Variants in ACMSD observed in about 807,000 individuals in gnomAD.
The protein encoded by ACMSD is aminocarboxymuconate semialdehyde decarboxylase, also known as 2-amino-3-carboxymuconate-6-semialdehyde decarboxylase.
Under a neutral mutation model 45.9 loss-of-function variants are expected in ACMSD, and 37 were observed. The observed-to-expected ratio is 0.81, with a 90% CI of 0.62 to 1.06. ACMSD has a LOEUF of 1.06. ACMSD is among the 50% of genes least tolerant of loss of function. ACMSD has a pLI of 0.00. For missense variants in ACMSD, 434 were observed against 420.9 expected, an observed-to-expected ratio of 1.03 and a Z score of -0.27; for synonymous variants, 138 against 148.8, an observed-to-expected ratio of 0.93 and a Z score of 0.53.
intron 3 of ACMSD, chr2:134,859,585 A>G (rs1045131051): frequency 1.5e-5 from 6 of 392,216 alleles, no homozygotes; most frequent in Admixed American, 8.3e-5. Flanking sequence ...ATAGAATGCT[A>G]TATCATGAAA....
At chr2:134,852,536 C>T (rs79193944) in intron 2 of ACMSD, among the ~76,000 whole-genome samples, 2 of 152,262 alleles carry the variant, frequency 1.3e-5, no homozygotes, top group East Asian at 3.9e-4. Context: ...AGTCTCCAGG[C>T]AATAAGCAAA....
intron 7 of ACMSD, 25 bp from the exon 8 acceptor site, chr2:134,872,444 C>T: frequency 6.2e-7 from 1 of 1,613,924 alleles, no homozygotes; most frequent in Non-Finnish European, 8.5e-7. Flanking sequence ...AACACTAGCC[C>T]CTCAGTAATG....
intron 8 of ACMSD, among the ~76,000 whole-genome samples, chr2:134,893,218 T>C (rs1354948900): frequency 1.3e-5 from 2 of 151,708 alleles, no homozygotes; most frequent in East Asian, 3.9e-4. Flanking sequence ...CATTTTTTTT[T>C]TTTTTTTTTG....
At chr2:134,895,566 G>A (rs1690095801) in intron 8 of ACMSD, among the ~76,000 whole-genome samples, 1 of 150,836 alleles carries the variant, frequency 6.6e-6, no homozygotes, top group South Asian at 2.1e-4. Flanking sequence ...AAATTCATAT[G>A]AAAACGCAAG....
At chr2:134,888,125 T>G (rs999941576) in intron 8 of ACMSD, among the ~76,000 whole-genome samples, 1 of 152,142 alleles carries the variant, frequency 6.6e-6, no homozygotes, top group African/African-American at 2.4e-5. Flanking sequence ...AGCATATATA[T>G]GACAAAGGAC....
intron 1 of ACMSD, among the ~76,000 whole-genome samples, chr2:134,842,715 T>C (rs940709350): frequency 2.2e-4 from 34 of 152,324 alleles, no homozygotes; most frequent in African/African-American, 7.0e-4. Context: ...TTATATGCAC[T>C]ATCTCAGCTA....
intron 8 of ACMSD, among the ~76,000 whole-genome samples, chr2:134,883,979 T>C (rs1186340495): frequency 1.3e-5 from 2 of 152,196 alleles, no homozygotes; most frequent in African/African-American, 4.8e-5. Context: ...AAAATTTCAT[T>C]TCCAATTTTG....
chr2:134,898,655 C>T (rs1171983368), intron 9 of ACMSD, among the ~76,000 whole-genome samples: 1 of 151,908 alleles, frequency 6.6e-6, no homozygotes, highest in Non-Finnish European at 1.5e-5. Flanking sequence ...AATTCATAAA[C>T]CCAAGAAAGA....
At chr2:134,841,143 C>G (rs1467885378) in intron 1 of ACMSD, among the ~76,000 whole-genome samples, 1 of 152,184 alleles carries the variant, frequency 6.6e-6, no homozygotes, top group Non-Finnish European at 1.5e-5. Context: ...TTCGTACTTC[C>G]AGGGAGAGAC....
At chr2:134,901,714 T>A (rs1690510857) in intron 9 of ACMSD, 84 bp from the exon 10 acceptor site, 4 of 968,852 alleles carry the variant, frequency 4.1e-6, no homozygotes, top group Admixed American at 3.0e-5. Flanking sequence ...GGGGAGCTGA[T>A]TTTTTTAAAC....
chr2:134,874,031 C>G (rs1688604663), intron 8 of ACMSD, among the ~76,000 whole-genome samples: 1 of 152,142 alleles, frequency 6.6e-6, no homozygotes, highest in Non-Finnish European at 1.5e-5. Flanking sequence ...TTGCCAAATC[C>G]AAAGCCCATT....
intron 3 of ACMSD, among the ~76,000 whole-genome samples, chr2:134,860,131 C>T (rs1382646090): frequency 2.0e-5 from 3 of 152,144 alleles, no homozygotes; most frequent in East Asian, 3.9e-4. Flanking sequence ...GGCATGCTGG[C>T]GCGTGCCTGT....
intron 9 of ACMSD, among the ~76,000 whole-genome samples, chr2:134,900,480 G>A (rs1451836216): frequency 1.3e-5 from 2 of 152,152 alleles, no homozygotes; most frequent in South Asian, 2.1e-4. Context: ...TAGTAATGCT[G>A]GCAATTCAGA....
chr2:134,897,151 A>T (rs1355935941), intron 8 of ACMSD, among the ~76,000 whole-genome samples: 1 of 148,716 alleles, frequency 6.7e-6, no homozygotes, highest in African/African-American at 2.5e-5. Context: ...ATTATATCTC[A>T]AAAAAAAAAG....
intron 4 of ACMSD, 71 bp from the exon 5 acceptor site, chr2:134,863,324 A>C: frequency 2.2e-6 from 3 of 1,389,900 alleles, no homozygotes; most frequent in Non-Finnish European, 3.1e-6. Context: ...ATGAGGAGGC[A>C]CTGTTCAGAG....
Position 134,885,277 on chromosome 2 carries a change from A to AT in ACMSD, c.849+12638dup, listed in dbSNP as rs1310151348. On this transcript the variant is annotated intron_variant, in intron 8 of 9. Coordinates refer to ENST00000356140, the MANE Select transcript of ACMSD (RefSeq NM_138326.3). ...ATATAATATATATATAAATATATAT[A>AT]TTATATATTATATTTATATATATAT... Among the ~76,000 whole-genome samples the AT allele has an allele frequency of 9.4e-4, 57 of 60,732 alleles. No homozygotes were observed. The South Asian group carries it at 0.023, about 25-fold the overall frequency. The allele number at this position is 60,732 out of a possible 152,430, so 39.8% of individuals were successfully genotyped here. A position where few individuals can be genotyped will look rare whatever the true frequency, so the allele number is the denominator to read the frequency against.
rs780095079 is a variant in ACMSD at position 134,901,851 on chromosome 2, A to G, written c.1002A>G (p.Gln334=). 1 of 1,600,306 alleles carries G rather than the reference A, an allele frequency of 6.2e-7. No homozygotes were observed. The highest frequency in any genetic ancestry group is 8.5e-7 in the Non-Finnish European group (1 of 1,171,192). The change falls in exon 10 of 10, where the codon CAA becomes CAG. Residue 334 remains glutamine (Q), a synonymous_variant. Transcript: ENST00000356140. ...CATTTTTGGGTCTTGAGAGAAAACA[A>G]TTTGAATGACTGAATTTACTACAAA... ...ALAFLGLERK[Q]FE is the part of the protein sequence containing the mutation.
chr2:134,870,948 A>C lies in ACMSD; in HGVS notation c.581-17A>C, dbSNP rs778366365. On this transcript the variant is annotated splice_polypyrimidine_tract_variant and intron_variant, in intron 6 of 9. Coordinates refer to ENST00000356140, the MANE Select transcript of ACMSD (RefSeq NM_138326.3). Reference sequence around the variant, plus strand: ...GGGGTGATCATCCCTGAACCTTGTGACTATTTCCTCTTTCAGGAATGCCAG... The same window carrying C: ...GGGGTGATCATCCCTGAACCTTGTGCCTATTTCCTCTTTCAGGAATGCCAG... 1 of 1,608,380 alleles carries C rather than the reference A, an allele frequency of 6.2e-7. No individual in the cohort carries two copies. Among genetic ancestry groups the C allele is most frequent in the African/African-American group, 1.3e-5 (1 of 74,712 alleles).
chr2:134,872,854 T>C, intron 8 of ACMSD: 2 of 542,422 alleles, frequency 3.7e-6, no homozygotes, highest in Non-Finnish European at 3.3e-6. Context: ...TAAGAAACTA[T>C]TATATATGCC....
Sources: allele counts gnomAD v4.1 joint callset (sites outside exome capture counted in the v4.1 genomes callset), GRCh38; gene constraint gnomAD v4.1.1; transcripts MANE v1.5; gene names NCBI Gene and HGNC (gene_info 2026-07-23, HGNC 2026-07-21).